The following NR2C1 variants were observed in gnomAD, a reference collection of about 807,000 sequenced individuals.
NR2C1 encodes the protein nuclear receptor subfamily 2 group C member 1.
Under a neutral mutation model 74.8 loss-of-function variants are expected in NR2C1, and 33 were observed. The ratio of observed to expected loss-of-function variants is 0.44; its 90% CI spans 0.33 to 0.59. The LOEUF is 0.59. Ranked by LOEUF, NR2C1 falls within the 20% of genes least tolerant of loss-of-function variation. The pLI, the probability that NR2C1 is intolerant of heterozygous loss-of-function variation, is 0.02. For synonymous variants in NR2C1, 225 were observed against 240.6 expected, an observed-to-expected ratio of 0.94 and a Z score of 0.60; for missense variants, 568 against 715.6, an observed-to-expected ratio of 0.79 and a Z score of 2.35.
intron 12 of NR2C1, chr12:95,028,141 A>T (rs530652591): frequency 3.1e-6 from 1 of 319,594 alleles, no homozygotes; most frequent in Admixed American, 4.7e-5. Context: ...ACTATTATAA[A>T]TAATGCTGCT....
Position 95,067,322 on chromosome 12 carries a change from T to C in NR2C1, c.54+9A>G. The C allele has an allele frequency of 6.2e-7, 1 of 1,612,708 alleles. No individual in the cohort carries two copies. The highest frequency in any genetic ancestry group is 8.5e-7 in the Non-Finnish European group (1 of 1,178,824). On this transcript the variant is annotated intron_variant, in intron 2 of 13. Transcript: ENST00000333003. ...GTGGGCCAGTGCATCAACCGTAAACTAGACATACCTCTCCCATCTGTTGTT... is the reference window on the plus strand; with the variant it reads ...GTGGGCCAGTGCATCAACCGTAAACCAGACATACCTCTCCCATCTGTTGTT...
intron 7 of NR2C1, among the ~76,000 whole-genome samples, chr12:95,053,753 G>A (rs149609393): frequency 0.013 from 1,822 of 140,946 alleles, 30 homozygotes; most frequent in African/African-American, 0.046. Flanking sequence ...GTGCGATCTC[G>A]GCTCGCTGCA....
chr12:95,028,616 A>T lies in NR2C1; in HGVS notation c.1394-92T>A, dbSNP rs1366959125. 9 of 973,416 alleles carry T rather than the reference A, an allele frequency of 9.2e-6. No homozygotes were observed. The East Asian group carries it at 2.2e-4, about 24-fold the overall frequency. 60.3% of individuals were successfully genotyped at this position (973,416 alleles called of 1,614,324 possible). A position where few individuals can be genotyped will look rare whatever the true frequency, so the allele number is the denominator to read the frequency against. ...TATTTCCCTCTCAGGAATTTTGAAA[A>T]ATTTTTTAATTCTTAAATTTTTTTT... On this transcript the variant is annotated intron_variant, in intron 11 of 13. Coordinates refer to ENST00000333003, the MANE Select transcript of NR2C1 (RefSeq NM_003297.4).
At chr12:95,038,306 A>G (rs935449723) in intron 10 of NR2C1, among the ~76,000 whole-genome samples, 7 of 152,234 alleles carry the variant, frequency 4.6e-5, no homozygotes, top group Non-Finnish European at 8.8e-5. Flanking sequence ...ATGGTGGTGT[A>G]AATAATTCAA....
chr12:95,051,737 C>T (rs769918251), intron 8 of NR2C1, 25 bp downstream of exon 8: 6 of 1,565,740 alleles, frequency 3.8e-6, no homozygotes, highest in South Asian at 2.4e-5. Context: ...AACAAAAGGA[C>T]ATTGATAATC....
At chr12:95,060,220 G>C (rs1383771314) in intron 3 of NR2C1, among the ~76,000 whole-genome samples, 1 of 152,072 alleles carries the variant, frequency 6.6e-6, no homozygotes, top group Non-Finnish European at 1.5e-5. Flanking sequence ...CTTTTAAATA[G>C]AAAAGGGGCT....
At chr12:95,043,533 C>G (rs1370233037) in intron 9 of NR2C1, among the ~76,000 whole-genome samples, 2 of 151,280 alleles carry the variant, frequency 1.3e-5, no homozygotes, top group Non-Finnish European at 3.0e-5. Context: ...ACTAAAAATA[C>G]AAAAAATTAG....
At chr12:95,049,473 T>A (rs1872701607) in intron 8 of NR2C1, 1 of 358,200 alleles carries the variant, frequency 2.8e-6, no homozygotes, top group Non-Finnish European at 5.0e-6. Flanking sequence ...TCTTCATATT[T>A]TCATATAATA....
rs771492120 is a variant in NR2C1 at position 95,053,768 on chromosome 12, C to T, written c.784-1825G>A. ...GTGCGATCTCGGCTCGCTGCAAGCT[C>T]CACCTCCTGGGTTCACGCCATTCTC... On this transcript the variant is annotated intron_variant, in intron 7 of 13. Transcript: ENST00000333003. Among the ~76,000 whole-genome samples the T allele has an allele frequency of 3.6e-4, 53 of 147,820 alleles. 1 individual carries two copies. The highest frequency in any genetic ancestry group is 9.6e-4 in the Admixed American group (14 of 14,630).
chr12:95,073,218 G>A (rs1001299348), intron 1 of NR2C1, among the ~76,000 whole-genome samples, 162 bp downstream of exon 1: 50 of 152,316 alleles, frequency 3.3e-4, no homozygotes, highest in Admixed American at 6.5e-4. Context: ...AGCCGAAGTC[G>A]AGCAGCCCCA....
intron 2 of NR2C1, 111 bp from the exon 3 acceptor site, chr12:95,062,849 C>A: frequency 1.3e-6 from 1 of 745,606 alleles, no homozygotes; most frequent in Non-Finnish European, 2.2e-6. Flanking sequence ...CACACACGTA[C>A]CTTTTAAACT....
intron 3 of NR2C1, 98 bp from the exon 4 acceptor site, chr12:95,060,082 T>G (rs1874562391): frequency 1.0e-6 from 1 of 967,362 alleles, no homozygotes; most frequent in African/African-American, 1.7e-5. Flanking sequence ...ATTCAGTTGG[T>G]CTTGCTTTGT....
chr12:95,045,243 AAG>A (rs1872161159), intron 9 of NR2C1, among the ~76,000 whole-genome samples: 1 of 152,224 alleles, frequency 6.6e-6, no homozygotes, highest in Admixed American at 6.5e-5. Context: ...GAAAAGGGCT[AAG>A]AAAGCTAATG....
rs1324887046 is a variant in NR2C1, at chr12:95,028,376, T to C, written c.1531+11A>G. ...CATTTTATTTTGAATAAAAAGTAAA[T>C]GTTTATATACCTGGACTGAAGAGTA... On this transcript the variant is annotated intron_variant, in intron 12 of 13. Coordinates refer to ENST00000333003, the MANE Select transcript of NR2C1 (RefSeq NM_003297.4). The C allele has an allele frequency of 1.2e-6, 2 of 1,600,518 alleles. No homozygotes were observed. The highest frequency in any genetic ancestry group is 1.3e-5 in the African/African-American group (1 of 74,284).
intron 9 of NR2C1, among the ~76,000 whole-genome samples, chr12:95,045,535 A>G (rs927284904): frequency 2.6e-5 from 4 of 152,194 alleles, no homozygotes; most frequent in African/African-American, 9.7e-5. Context: ...GGAAGGGAGA[A>G]ATTCAAGCAA....
chr12:95,049,203 A>C lies in NR2C1; in HGVS notation c.996T>G (p.Asn332Lys), dbSNP rs768792486. 3.1e-6 allele frequency: 5 copies of C among 1,613,972 alleles called. No homozygotes were observed. Among genetic ancestry groups the C allele is most frequent in the Admixed American group, 1.7e-5 (1 of 59,986 alleles). ...TCTGGCAGGCTGTGCTCTCTCCAGG[A>C]TTCAATGCTTTTGCAAGAGTGTCAA... Reference protein sequence around the residue: ...RAFDTLAKALNPGESTACQSS... With the variant: ...RAFDTLAKALKPGESTACQSS... The change falls in exon 9 of 14, where the codon AAT becomes AAG. Residue 332 changes from asparagine to lysine, a missense_variant. Transcript: ENST00000333003.
intron 12 of NR2C1, chr12:95,026,870 T>A (rs1053973346): frequency 6.6e-6 from 1 of 152,186 alleles, no homozygotes; most frequent in African/African-American, 2.4e-5. Context: ...AACTGTAAAC[T>A]GGCAGGAAAA....
rs775466550 is a variant in NR2C1 at position 95,059,868 on chromosome 12, T to A, written c.364+38A>T. 2.7e-6 allele frequency: 4 copies of A among 1,454,694 alleles called. No individual in the cohort carries two copies. In the South Asian group the frequency reaches 3.7e-5, roughly 13 times the overall value. 90.1% of individuals were successfully genotyped at this position (1,454,694 alleles called of 1,614,324 possible). ...AACACGACACATATAGGAGGTTATTTTTTTTTTCTGTTTTTAGGAGGTTAT... is the reference window on the plus strand; with the variant it reads ...AACACGACACATATAGGAGGTTATTATTTTTTTCTGTTTTTAGGAGGTTAT... On this transcript the variant is annotated intron_variant, in intron 4 of 13. Transcript: ENST00000333003.
intron 1 of NR2C1, among the ~76,000 whole-genome samples, chr12:95,067,844 C>T (rs1875950812): frequency 6.7e-6 from 1 of 150,332 alleles, no homozygotes; most frequent in Non-Finnish European, 1.5e-5. Context: ...TTGGAATTAT[C>T]AGCATAAGCC....
Sources: gnomAD v4.1 joint callset for allele counts (sites outside exome capture counted in the v4.1 genomes callset) on GRCh38, gnomAD v4.1.1 for gene constraint, MANE v1.5 for transcripts, NCBI Gene and HGNC (gene_info 2026-07-23, HGNC 2026-07-21) for gene names.